Variants in DPP6 observed in about 807,000 individuals in gnomAD.
The protein encoded by DPP6 is dipeptidyl peptidase like 6.
In DPP6, 69 loss-of-function variants were observed where a neutral mutation model predicts 122.6. The observed-to-expected ratio is 0.56, with a 90% confidence interval of 0.46 to 0.69. DPP6 has a LOEUF of 0.69. Among genes scored for constraint, DPP6 ranks in the 30% least tolerant of loss-of-function variants. DPP6 has a pLI of 0.00. For missense variants in DPP6, 928 were observed against 1,116.9 expected, an observed-to-expected ratio of 0.83 and a Z score of 2.41; for synonymous variants, 418 against 433.1, an observed-to-expected ratio of 0.97 and a Z score of 0.43.
chr7:154,361,939 T>C (rs1423205578), intron 1 of DPP6, among the ~76,000 whole-genome samples: 4 of 152,236 alleles, frequency 2.6e-5, no homozygotes, highest in African/African-American at 7.2e-5. Context: ...TCTGCCATGA[T>C]GGCTCACATC....
chr7:153,875,489 C>A, the DPP6 span, among the ~76,000 whole-genome samples: 12 of 151,876 alleles, frequency 7.9e-5, no homozygotes, highest in Non-Finnish European at 1.5e-4. Context: ...GAAAAAAATA[C>A]CTATATAAAT....
intron 1 of DPP6, among the ~76,000 whole-genome samples, chr7:154,362,382 G>T (rs865801066): frequency 6.6e-6 from 1 of 152,210 alleles, no homozygotes; most frequent in South Asian, 2.1e-4. Flanking sequence ...GTACAACAAA[G>T]ATACCACTGC....
chr7:154,352,422 C>T (rs1475652158), intron 1 of DPP6, among the ~76,000 whole-genome samples: 2 of 151,858 alleles, frequency 1.3e-5, no homozygotes, highest in Non-Finnish European at 2.9e-5. Flanking sequence ...GAGATCATGC[C>T]ACTGCACTCC....
At position 154,693,287 on chromosome 7, in the gene DPP6, G is replaced by A. The variant is rs561707963; in HGVS notation, c.762+23846G>A. ...AACGCTGACGTGGCCGAGAAGGAAG[G>A]CCCTTACTATGAGGCTTCCGTTAAG... On this transcript the variant is annotated intron_variant, in intron 7 of 25. Transcript: ENST00000377770. Among the ~76,000 whole-genome samples the A allele has an allele frequency of 4.3e-4, 65 of 152,246 alleles. 1 individual carries two copies. The highest frequency in any genetic ancestry group is 1.4e-3 in the African/African-American group (60 of 41,534).
At chr7:153,939,407 C>T (rs923839819) in intron 1 of DPP6, among the ~76,000 whole-genome samples, 2 of 152,190 alleles carry the variant, frequency 1.3e-5, no homozygotes, top group African/African-American at 4.8e-5. Context: ...GACATGGCCT[C>T]GGGGCTCAGA....
chr7:154,099,163 G>A (rs1161564297), intron 1 of DPP6, among the ~76,000 whole-genome samples: 2 of 152,144 alleles, frequency 1.3e-5, no homozygotes, highest in Non-Finnish European at 2.9e-5. Flanking sequence ...GGAAAATAGA[G>A]GATAATCGAC....
At chr7:154,060,715 A>AG (rs1481599207) in intron 1 of DPP6, among the ~76,000 whole-genome samples, 8 of 35,020 alleles carry the variant, frequency 2.3e-4, no homozygotes, top group East Asian at 9.7e-4. Flanking sequence ...CCCCCATCGC[A>AG]GGGGGGGAGG....
intron 1 of DPP6, among the ~76,000 whole-genome samples, chr7:153,959,657 G>GGT (rs1795246861): frequency 6.6e-6 from 1 of 152,254 alleles, no homozygotes; most frequent in African/African-American, 2.4e-5. Flanking sequence ...ATTGAAGAGA[G>GGT]GTAGGGCCTT....
intron 1 of DPP6, among the ~76,000 whole-genome samples, chr7:154,276,813 G>A (rs1804169968): frequency 6.6e-6 from 1 of 152,220 alleles, no homozygotes; most frequent in Non-Finnish European, 1.5e-5. Flanking sequence ...AGTTTCTTAA[G>A]TGAGCATTTC....
At chr7:153,808,212 TGC>T in the DPP6 span, among the ~76,000 whole-genome samples, 2 of 145,428 alleles carry the variant, frequency 1.4e-5, no homozygotes, top group African/African-American at 5.0e-5. Flanking sequence ...TGAGTGTGTG[TGC>T]CTGAGTGTGC....
At chr7:154,694,162 T>C (rs1840083866) in intron 7 of DPP6, among the ~76,000 whole-genome samples, 1 of 152,178 alleles carries the variant, frequency 6.6e-6, no homozygotes, top group African/African-American at 2.4e-5. Context: ...CTCTGTGTTG[T>C]CTTTTGTAAG....
chr7:154,369,974 ATTT>A (rs1383424050), intron 1 of DPP6, among the ~76,000 whole-genome samples: 1 of 139,602 alleles, frequency 7.2e-6, no homozygotes, highest in Admixed American at 7.2e-5. Context: ...GCATTTATTT[ATTT>A]ATTTATTTAT....
the DPP6 span, among the ~76,000 whole-genome samples, chr7:153,758,196 C>G: frequency 6.6e-6 from 1 of 152,050 alleles, no homozygotes; most frequent in Admixed American, 6.5e-5. Context: ...TGGTGTTTGT[C>G]ATATTTAGTG....
At chr7:154,805,358 C>T (rs1468387213) in intron 15 of DPP6, among the ~76,000 whole-genome samples, 2 of 152,114 alleles carry the variant, frequency 1.3e-5, no homozygotes, top group South Asian at 2.1e-4. Flanking sequence ...TGGGTCAGCA[C>T]GAGGAGGCCG....
At chr7:154,670,858 A>C (rs1393915286) in intron 7 of DPP6, among the ~76,000 whole-genome samples, 1 of 152,226 alleles carries the variant, frequency 6.6e-6, no homozygotes, top group Non-Finnish European at 1.5e-5. Flanking sequence ...TGGTTTGAAA[A>C]AGCAAGAAGA....
chr7:154,388,830 C>T (rs10808009), intron 1 of DPP6, among the ~76,000 whole-genome samples: 1 of 151,948 alleles, frequency 6.6e-6, no homozygotes, highest in African/African-American at 2.4e-5. Flanking sequence ...AAAACATATC[C>T]GTTGTCATTT....
At chr7:154,204,240 C>G (rs1364395449) in intron 1 of DPP6, among the ~76,000 whole-genome samples, 1 of 152,126 alleles carries the variant, frequency 6.6e-6, no homozygotes, top group African/African-American at 2.4e-5. Context: ...CAAAATGCCC[C>G]CTGGAAAGTT....
chr7:154,191,122 T>C (rs1798595401), intron 1 of DPP6, among the ~76,000 whole-genome samples: 1 of 152,188 alleles, frequency 6.6e-6, no homozygotes, highest in Non-Finnish European at 1.5e-5. Context: ...GGGAGTAATT[T>C]GCGAGGTTGA....
At chr7:154,394,196 ACT>A (rs1814875485) in intron 1 of DPP6, among the ~76,000 whole-genome samples, 1 of 152,086 alleles carries the variant, frequency 6.6e-6, no homozygotes, top group African/African-American at 2.4e-5. Flanking sequence ...ATCGTTTTAC[ACT>A]CTCACCAACA....
Sources: gnomAD v4.1 joint callset for allele counts (sites outside exome capture counted in the v4.1 genomes callset) on GRCh38, gnomAD v4.1.1 for gene constraint, MANE v1.5 for transcripts, NCBI Gene and HGNC (gene_info 2026-07-23, HGNC 2026-07-21) for gene names.